The following PIK3C2A variants were observed in gnomAD, a reference collection of about 807,000 sequenced individuals.
The protein encoded by PIK3C2A is phosphatidylinositol-4-phosphate 3-kinase catalytic subunit type 2 alpha, also known as phosphatidylinositol 4-phosphate 3-kinase C2 domain-containing subunit alpha.
In PIK3C2A, 97 loss-of-function variants were observed where a neutral mutation model predicts 204.5. The observed-to-expected ratio is 0.47, with a 90% confidence interval of 0.40 to 0.56. The LOEUF is 0.56. PIK3C2A is among the 20% of genes least tolerant of loss of function. PIK3C2A has a pLI of 0.00. For missense variants in PIK3C2A, 1,735 were observed against 1,969.2 expected (o/e 0.88, Z 2.25); for synonymous variants, 653 against 664.4 (o/e 0.98, Z 0.26).
chr11:17,198,168 GCA>G (rs779801537), intron 1 of PIK3C2A, among the ~76,000 whole-genome samples: 110 of 151,246 alleles, frequency 7.3e-4, no homozygotes, highest in Non-Finnish European at 1.3e-3. Context: ...GAGTACAGTG[GCA>G]CAGTCTCCGC....
At chr11:17,185,270 T>C (rs796973275) in intron 1 of PIK3C2A, among the ~76,000 whole-genome samples, 1 of 152,216 alleles carries the variant, frequency 6.6e-6, no homozygotes, top group South Asian at 2.1e-4. Flanking sequence ...TGTACAGCAT[T>C]TAATATATGT....
intron 1 of PIK3C2A, among the ~76,000 whole-genome samples, chr11:17,200,100 C>G (rs1166848422): frequency 2.0e-5 from 3 of 151,302 alleles, no homozygotes; most frequent in Non-Finnish European, 4.4e-5. Context: ...GCACGAGAAT[C>G]GCTTGAACCC....
At chr11:17,133,938 A>T (rs1849785226) in intron 11 of PIK3C2A, among the ~76,000 whole-genome samples, 1 of 152,184 alleles carries the variant, frequency 6.6e-6, no homozygotes. Context: ...AAAAAAAAAA[A>T]TAATAATAAT....
In PIK3C2A at chr11:17,122,553, G is replaced by A. The variant is rs566094701; in HGVS notation, c.2511+149C>T. On this transcript the variant is annotated intron_variant, in intron 14 of 32. Transcript: ENST00000691414. The stretch of plus-strand genomic sequence containing the variant: ...ACAGTGCATGTTTTACTGCTTCTCA[G>A]AAATATTGATATTAAAATAGAAGAT... The A allele has an allele frequency of 3.1e-4, 193 of 620,036 alleles. 2 individuals carry two copies. The African/African-American group carries it at 3.3e-3, about 11-fold the overall frequency. The allele number at this position is 620,036 out of a possible 1,614,324, so 38.4% of individuals were successfully genotyped here.
At position 17,144,894 on chromosome 11, in the gene PIK3C2A, C is replaced by CAAAAA. The variant is rs35069519; in HGVS notation, c.1704+769_1704+773dup. On this transcript the variant is annotated intron_variant, in intron 8 of 32. Transcript: ENST00000691414. ...TGAGCAACACATGGAGACTCAGCCTCAAAAAAAAAAAAAAAAAAAAAAAAA... is the reference window on the plus strand; with the variant it reads ...TGAGCAACACATGGAGACTCAGCCTCAAAAAAAAAAAAAAAAAAAAAAAAAAAAAA... Among the ~76,000 whole-genome samples, 126 of 78,092 alleles carry CAAAAA rather than the reference C, an allele frequency of 1.6e-3. 18 individuals carry two copies. Among genetic ancestry groups the CAAAAA allele is most frequent in the East Asian group, 0.012 (11 of 906 alleles). The allele number at this position is 78,092 out of a possible 152,430, so 51.2% of individuals were successfully genotyped here. A position where few individuals can be genotyped will look rare whatever the true frequency, so the allele number is the denominator to read the frequency against.
chr11:17,155,937 A>G (rs1320139018), intron 2 of PIK3C2A, among the ~76,000 whole-genome samples: 1 of 152,198 alleles, frequency 6.6e-6, no homozygotes, highest in Non-Finnish European at 1.5e-5. Context: ...AAATTTTACA[A>G]CTAAATGAAA....
At chr11:17,115,531 C>G (rs1251353582) in intron 19 of PIK3C2A, 1 of 144,876 alleles carries the variant, frequency 6.9e-6, no homozygotes, top group Non-Finnish European at 1.5e-5. Context: ...ACAGAGAGAC[C>G]TCATCTCAAG....
At chr11:17,122,563 T>C in intron 14 of PIK3C2A, 139 bp downstream of exon 14, 1 of 631,530 alleles carries the variant, frequency 1.6e-6, no homozygotes, top group East Asian at 2.8e-5. Context: ...GAAATATTGA[T>C]ATTAAAATAG....
intron 15 of PIK3C2A, 48 bp downstream of exon 15, chr11:17,122,140 T>C (rs1297573509): frequency 8.0e-7 from 1 of 1,242,982 alleles, no homozygotes; most frequent in African/African-American, 1.5e-5. Flanking sequence ...AACTTGACTT[T>C]TACATTACAG....
intron 13 of PIK3C2A, 38 bp downstream of exon 13, chr11:17,129,262 T>C: frequency 6.4e-7 from 1 of 1,551,184 alleles, no homozygotes; most frequent in South Asian, 1.1e-5. Flanking sequence ...TGCAGATGTG[T>C]CCACAGTGAC....
chr11:17,086,894 CTAATT>C lies in PIK3C2A; in HGVS notation c.*2839_*2843del, dbSNP rs1438254293. On this transcript the variant is annotated 3_prime_UTR_variant, in exon 33 of 33. Coordinates refer to ENST00000691414, the MANE Select transcript of PIK3C2A (RefSeq NM_002645.4). ...TTTGAATCCTAGAAAGAATAGGCAA[CTAATT>C]TAAGGCAAGATATTGAAACTTTTAT... is the stretch of plus-strand genomic sequence containing the variant. 2 of 152,096 alleles carry C rather than the reference CTAATT, an allele frequency of 1.3e-5. No homozygotes were observed. Among genetic ancestry groups the C allele is most frequent in the South Asian group, 2.1e-4 (1 of 4,814 alleles). 9.4% of individuals were successfully genotyped at this position (152,096 alleles called of 1,614,324 possible).
At chr11:17,121,483 TAAAA>T (rs1323858765) in intron 15 of PIK3C2A, among the ~76,000 whole-genome samples, 2 of 152,132 alleles carry the variant, frequency 1.3e-5, no homozygotes, top group African/African-American at 4.8e-5. Flanking sequence ...TAAGCAAATA[TAAAA>T]GAGTTTTATA....
chr11:17,131,753 C>G (rs1018348674), intron 12 of PIK3C2A, among the ~76,000 whole-genome samples, 163 bp downstream of exon 12: 2 of 152,052 alleles, frequency 1.3e-5, no homozygotes, highest in African/African-American at 4.8e-5. Flanking sequence ...GAATTTCAGT[C>G]TGTTCTATAA....
chr11:17,099,780 T>C (rs917549455), intron 26 of PIK3C2A, 80 bp downstream of exon 26: 4 of 669,876 alleles, frequency 6.0e-6, no homozygotes, highest in African/African-American at 3.6e-5. Flanking sequence ...TTTTGATAAA[T>C]AGCATTTGTT....
intron 26 of PIK3C2A, among the ~76,000 whole-genome samples, chr11:17,098,500 T>C (rs1185394255): frequency 2.0e-5 from 3 of 152,198 alleles, no homozygotes; most frequent in Non-Finnish European, 4.4e-5. Flanking sequence ...AAAATAAATA[T>C]CTGTTGTTTA....
chr11:17,112,131 CA>C (rs887790870), intron 21 of PIK3C2A, among the ~76,000 whole-genome samples: 1 of 151,996 alleles, frequency 6.6e-6, no homozygotes, highest in African/African-American at 2.4e-5. Flanking sequence ...ATCCTGTCTT[CA>C]AAATGTACAA....
At position 17,102,846 on chromosome 11, in the gene PIK3C2A, C is replaced by T. The variant is rs776565570; in HGVS notation, c.3682-15G>A. 2.6e-6 allele frequency: 4 copies of T among 1,509,842 alleles called. No homozygotes were observed. The highest frequency in any genetic ancestry group is 2.7e-6 in the Non-Finnish European group (3 of 1,107,280). 93.5% of individuals were successfully genotyped at this position (1,509,842 alleles called of 1,614,324 possible). ...TTCTCTGAAGCCTATAAAAAACATACACAATTATTTTAGAAAATGAATTAT... is the reference window on the plus strand; with the variant it reads ...TTCTCTGAAGCCTATAAAAAACATATACAATTATTTTAGAAAATGAATTAT... On this transcript the variant is annotated splice_polypyrimidine_tract_variant and intron_variant, in intron 23 of 32. Coordinates refer to ENST00000691414, the MANE Select transcript of PIK3C2A (RefSeq NM_002645.4).
intron 28 of PIK3C2A, among the ~76,000 whole-genome samples, chr11:17,092,663 G>A (rs1333164265): frequency 6.6e-6 from 1 of 152,116 alleles, no homozygotes; most frequent in African/African-American, 2.4e-5. Flanking sequence ...GCAAGTCTCC[G>A]TCTCAAAATA....
In PIK3C2A at chr11:17,088,986, G is replaced by C. The variant is rs2137254008; in HGVS notation, c.*752C>G. On this transcript the variant is annotated 3_prime_UTR_variant, in exon 33 of 33. Transcript: ENST00000691414. ...CATCAGAAGTAAAGGATTTTTTTGT[G>C]GGAAAAACATTAGTACATGTACATA... is the stretch of plus-strand genomic sequence containing the variant. The C allele has an allele frequency of 6.6e-6, 1 of 152,104 alleles. No homozygotes were observed. Among genetic ancestry groups the C allele is most frequent in the South Asian group, 2.1e-4 (1 of 4,828 alleles). 9.4% of individuals were successfully genotyped at this position (152,104 alleles called of 1,614,324 possible). A position where few individuals can be genotyped will look rare whatever the true frequency, so the allele number is the denominator to read the frequency against.
Sources: allele counts gnomAD v4.1 joint callset (sites outside exome capture counted in the v4.1 genomes callset), GRCh38; gene constraint gnomAD v4.1.1; transcripts MANE v1.5; gene names NCBI Gene and HGNC (gene_info 2026-07-23, HGNC 2026-07-21).